The following ANAPC2 variants were observed in gnomAD, a reference collection of about 807,000 sequenced individuals.
ANAPC2 encodes the protein anaphase-promoting complex subunit 2.
Under a neutral mutation model 84.3 loss-of-function variants are expected in ANAPC2, and 29 were observed. The observed-to-expected ratio is 0.34, with a 90% CI of 0.26 to 0.47. ANAPC2 has a LOEUF of 0.47. ANAPC2 is among the 20% of genes least tolerant of loss of function. The pLI is 1.00. For missense variants in ANAPC2, 857 were observed against 1,131.7 expected (o/e 0.76, Z 3.48); for synonymous variants, 571 against 479.4 (o/e 1.19, Z -2.50).
intron 5 of ANAPC2, 47 bp downstream of exon 5, chr9:137,183,625 T>C (rs771325883): frequency 6.3e-7 from 1 of 1,581,900 alleles, no homozygotes; most frequent in South Asian, 1.1e-5. Context: ...GGTCCCCTGG[T>C]GAGTGTCTAA....
intron 7 of ANAPC2, among the ~76,000 whole-genome samples, chr9:137,181,477 G>A (rs1318206436): frequency 6.6e-6 from 1 of 152,222 alleles, no homozygotes; most frequent in Non-Finnish European, 1.5e-5. Context: ...AGAGTGACCA[G>A]CCACAGAGGA....
chr9:137,182,223 G>C (rs1834358484), intron 6 of ANAPC2, among the ~76,000 whole-genome samples: 1 of 152,006 alleles, frequency 6.6e-6, no homozygotes, highest in Admixed American at 6.6e-5. Context: ...AAAAGAAAAA[G>C]AAAAAAGGGC....
Position 137,175,707 on chromosome 9 carries a change from C to T in ANAPC2, c.2020+1G>A. 6.2e-7 allele frequency: 1 copy of T among 1,610,096 alleles called. No homozygotes were observed. The highest frequency in any genetic ancestry group is 8.5e-7 in the Non-Finnish European group (1 of 1,178,378). On this transcript the variant is annotated splice_donor_variant, in intron 11 of 12. Coordinates refer to ENST00000323927, the MANE Select transcript of ANAPC2 (RefSeq NM_013366.4). LOFTEE classifies it high-confidence loss of function. Reference sequence around the variant, plus strand: ...GGCCAGCTAGGGGCTGGTGGGCTCACCTTGGTCCTGAAAATACAGCAAGAT... The same window carrying T: ...GGCCAGCTAGGGGCTGGTGGGCTCATCTTGGTCCTGAAAATACAGCAAGAT...
Position 137,177,643 on chromosome 9 carries a change from G to A in ANAPC2, c.1891-1806C>T, listed in dbSNP as rs771596813. On this transcript the variant is annotated intron_variant, in intron 10 of 12. Coordinates refer to ENST00000323927, the MANE Select transcript of ANAPC2 (RefSeq NM_013366.4). The stretch of plus-strand genomic sequence containing the variant: ...GGGACACTGGGGCTGTCACTTGCAC[G>A]TGGGAGGGGCCCACCATGGGGCAAA... Among the ~76,000 whole-genome samples the A allele has an allele frequency of 7.9e-5, 12 of 152,320 alleles. No individual in the cohort carries two copies. The South Asian group carries it at 1.2e-3, about 16-fold the overall frequency.
chr9:137,182,079 C>T (rs1000143800), intron 6 of ANAPC2, among the ~76,000 whole-genome samples: 2 of 152,222 alleles, frequency 1.3e-5, no homozygotes, highest in African/African-American at 4.8e-5. Context: ...AGCGCAAGGC[C>T]GGCCTGCGCA....
intron 5 of ANAPC2, chr9:137,183,463 C>CG: frequency 1.2e-6 from 1 of 802,952 alleles, no homozygotes; most frequent in Non-Finnish European, 1.9e-6. Context: ...TCAGACCTAC[C>CG]GGTCAGTCCT....
chr9:137,183,181 C>T lies in ANAPC2; in HGVS notation c.1230G>A (p.Leu410=). 2 of 1,613,274 alleles carry T rather than the reference C, an allele frequency of 1.2e-6. No homozygotes were observed. The highest frequency in any genetic ancestry group is 1.7e-6 in the Non-Finnish European group (2 of 1,179,948). ...CCTCCAGGATGACCATGGAAGGGTC[C>T]AGCACGCGCAGCGCCTTGATGGCAG... ...YISAIKALRV[L]DPSMVILEVA... The change falls in exon 6 of 13, where the codon CTG becomes CTA. Residue 410 remains leucine, a synonymous_variant. Transcript: ENST00000323927.
intron 2 of ANAPC2, chr9:137,186,934 G>A (rs1218994858): frequency 1.2e-5 from 2 of 165,948 alleles, no homozygotes; most frequent in Admixed American, 5.6e-5. Context: ...GTAGCTGCAT[G>A]GCTACACCCC....
intron 4 of ANAPC2, 89 bp downstream of exon 4, chr9:137,184,824 C>T: frequency 6.6e-7 from 1 of 1,504,326 alleles, no homozygotes; most frequent in Non-Finnish European, 9.0e-7. Flanking sequence ...GCACAGGGAG[C>T]CCAGATGCAG....
intron 3 of ANAPC2, among the ~76,000 whole-genome samples, chr9:137,185,485 G>A (rs935599621): frequency 2.6e-5 from 4 of 152,132 alleles, no homozygotes; most frequent in African/African-American, 7.2e-5. Context: ...TGGCAATTCC[G>A]CCGCGGGGCC....
Position 137,188,321 on chromosome 9 carries a change from T to C in ANAPC2, c.117+95A>G, listed in dbSNP as rs1834524555. 4 of 1,396,744 alleles carry C rather than the reference T, an allele frequency of 2.9e-6. No individual in the cohort carries two copies. The East Asian group carries it at 7.4e-5, about 26-fold the overall frequency. 86.5% of individuals were successfully genotyped at this position (1,396,744 alleles called of 1,614,324 possible). On this transcript the variant is annotated intron_variant, in intron 1 of 12. Transcript: ENST00000323927. ...GGCAGGACAGGACAGAGGCGGATGA[T>C]GGACAGAGCCGTATGAACCCGAGGG...
At chr9:137,183,435 G>A (rs1834385012) in intron 5 of ANAPC2, 193 bp from the exon 6 acceptor site, 5 of 745,660 alleles carry the variant, frequency 6.7e-6, no homozygotes, top group South Asian at 3.6e-5. Context: ...TGTTCTGAGA[G>A]AACTAAGTCT....
intron 2 of ANAPC2, 98 bp downstream of exon 2, chr9:137,187,383 G>A (rs1834498210): frequency 6.8e-7 from 1 of 1,465,988 alleles, no homozygotes; most frequent in South Asian, 1.3e-5. Context: ...CTGGTTATCA[G>A]GACGGCTCAC....
At chr9:137,179,229 G>A (rs1834286655) in intron 10 of ANAPC2, among the ~76,000 whole-genome samples, 2 of 152,038 alleles carry the variant, frequency 1.3e-5, no homozygotes, top group Admixed American at 1.3e-4. Flanking sequence ...CCCCCGCTGG[G>A]GTGCCCGCCT....
intron 10 of ANAPC2, among the ~76,000 whole-genome samples, chr9:137,178,634 C>T (rs1023289938): frequency 1.4e-4 from 21 of 152,210 alleles, no homozygotes; most frequent in African/African-American, 4.8e-4. Context: ...GCTCCAGAGA[C>T]ACCAGGCTGT....
intron 10 of ANAPC2, among the ~76,000 whole-genome samples, chr9:137,177,655 C>T (rs1834252857): frequency 6.6e-6 from 1 of 152,162 alleles, no homozygotes; most frequent in Admixed American, 6.5e-5. Flanking sequence ...GGGAGGGGCC[C>T]ACCATGGGGC....
rs975974338 is a variant in ANAPC2 at position 137,181,937 on chromosome 9, G to C, written c.1287-75C>G. 6 of 1,499,862 alleles carry C rather than the reference G, an allele frequency of 4.0e-6. No homozygotes were observed. The East Asian group carries it at 1.2e-4, about 30-fold the overall frequency. 92.9% of individuals were successfully genotyped at this position (1,499,862 alleles called of 1,614,324 possible). ...ACCTCCCACCACTCATTCCAGTCCC[G>C]GCCCCATCTAGGCCAGCACCACCGA... On this transcript the variant is annotated intron_variant, in intron 6 of 12. Transcript: ENST00000323927.
In ANAPC2 at chr9:137,175,359, T is replaced by C. The variant is rs1467916635; in HGVS notation, c.2134A>G (p.Thr712Ala). 2 of 1,612,068 alleles carry C rather than the reference T, an allele frequency of 1.2e-6. No individual in the cohort carries two copies. Among genetic ancestry groups the C allele is most frequent in the South Asian group, 1.1e-5 (1 of 90,968 alleles). ...QGVLREEPPGTFSVIEEERPQ... is the reference protein window; with the variant it reads ...QGVLREEPPGAFSVIEEERPQ... The stretch of plus-strand genomic sequence containing the variant: ...CGCTCCTCCTCAATGACAGAGAAGG[T>C]GCCGGGGGGCTCCTCACGCAGCACA... Residue 712 changes from threonine to alanine, a missense_variant, in exon 12 of 13, where the codon ACC becomes GCC. Around this residue, in one of 3 missense-constraint regions of ANAPC2, gnomAD observed 425 missense variants for 595.5 expected, o/e 0.71. Coordinates refer to ENST00000323927, the MANE Select transcript of ANAPC2 (RefSeq NM_013366.4).
At chr9:137,184,324 G>C (rs377176112) in intron 4 of ANAPC2, among the ~76,000 whole-genome samples, 2 of 150,074 alleles carry the variant, frequency 1.3e-5, no homozygotes, top group Middle Eastern at 3.4e-3. Flanking sequence ...CACAGACACA[G>C]AGCAGACACG....
Sources: gnomAD v4.1 joint callset for allele counts (sites outside exome capture counted in the v4.1 genomes callset) on GRCh38, gnomAD v4.1.1 for gene constraint, gnomAD v4.1.1 regional missense constraint, MANE v1.5 for transcripts, NCBI Gene and HGNC (gene_info 2026-07-23, HGNC 2026-07-21) for gene names.